FAF1: variants seen among roughly 807,000 people sequenced by gnomAD.
FAF1 encodes FAS-associated factor 1.
FAF1 carries 25 observed loss-of-function variants against 92.5 expected under a neutral mutation model. The observed-to-expected ratio is 0.27, with a 90% CI of 0.20 to 0.38. FAF1 has a LOEUF of 0.38. Ranked by LOEUF, FAF1 falls within the 10% of genes least tolerant of loss-of-function variation. FAF1 has a pLI of 1.00. For missense variants in FAF1, 636 were observed against 793.3 expected, an observed-to-expected ratio of 0.80 and a Z score of 2.38; for synonymous variants, 234 against 273.2, an observed-to-expected ratio of 0.86 and a Z score of 1.42.
At chr1:50,784,487 A>G (rs1480165394) in intron 4 of FAF1, among the ~76,000 whole-genome samples, 1 of 152,202 alleles carries the variant, frequency 6.6e-6, no homozygotes, top group Non-Finnish European at 1.5e-5. Context: ...AAACTTATCC[A>G]GAGACAAAAG....
chr1:50,870,266 G>A (rs1259771519), intron 1 of FAF1, among the ~76,000 whole-genome samples: 1 of 152,168 alleles, frequency 6.6e-6, no homozygotes, highest in Non-Finnish European at 1.5e-5. Context: ...AGACCAGCCT[G>A]GGCAACACAG....
chr1:50,546,327 G>A (rs1649014666), intron 13 of FAF1, among the ~76,000 whole-genome samples: 1 of 152,142 alleles, frequency 6.6e-6, no homozygotes, highest in Admixed American at 6.5e-5. Flanking sequence ...TACCATTTGT[G>A]TAAAACTGGG....
At chr1:50,741,807 T>C (rs771301284) in intron 5 of FAF1, among the ~76,000 whole-genome samples, 1 of 152,160 alleles carries the variant, frequency 6.6e-6, no homozygotes, top group Non-Finnish European at 1.5e-5. Context: ...GGAAGATTGG[T>C]AGAGATATGG....
chr1:50,923,512 A>T (rs951439674), intron 1 of FAF1, among the ~76,000 whole-genome samples: 25 of 152,212 alleles, frequency 1.6e-4, no homozygotes, highest in African/African-American at 5.8e-4. Flanking sequence ...CTTGAAAAAA[A>T]CTAGCACCAA....
intron 1 of FAF1, among the ~76,000 whole-genome samples, chr1:50,916,342 AG>A (rs1644918321): frequency 6.6e-6 from 1 of 152,236 alleles, no homozygotes; most frequent in Non-Finnish European, 1.5e-5. Flanking sequence ...TGGTAAAGAC[AG>A]GAAAGGAATC....
At chr1:50,755,467 G>C (rs1660039867) in intron 4 of FAF1, among the ~76,000 whole-genome samples, 1 of 152,192 alleles carries the variant, frequency 6.6e-6, no homozygotes, top group South Asian at 2.1e-4. Flanking sequence ...ATACCTCCTG[G>C]CTGCTTTCAA....
chr1:50,743,353 G>A (rs1659460753), intron 5 of FAF1, among the ~76,000 whole-genome samples: 1 of 151,804 alleles, frequency 6.6e-6, no homozygotes, highest in East Asian at 1.9e-4. Flanking sequence ...TTTGAGATAG[G>A]GTCTCACTCT....
intron 8 of FAF1, among the ~76,000 whole-genome samples, chr1:50,601,707 A>G (rs1318418779): frequency 2.8e-5 from 4 of 140,508 alleles, no homozygotes; most frequent in Non-Finnish European, 5.9e-5. Context: ...ATATATATAT[A>G]CACACACACA....
chr1:50,791,914 C>A (rs183362838), intron 3 of FAF1, among the ~76,000 whole-genome samples: 1 of 152,182 alleles, frequency 6.6e-6, no homozygotes, highest in Non-Finnish European at 1.5e-5. Flanking sequence ...GGACAAGATT[C>A]AAGAATTGGC....
intron 1 of FAF1, among the ~76,000 whole-genome samples, chr1:50,892,988 C>T (rs1644731615): frequency 6.6e-6 from 1 of 152,172 alleles, no homozygotes; most frequent in African/African-American, 2.4e-5. Context: ...ACTTAAAATG[C>T]ATTCTTGAGT....
intron 7 of FAF1, among the ~76,000 whole-genome samples, chr1:50,663,842 A>G (rs934501060): frequency 6.9e-6 from 1 of 144,660 alleles, no homozygotes; most frequent in Non-Finnish European, 1.6e-5. Context: ...ATTAATAATC[A>G]TTTGTTACAG....
chr1:50,903,055 A>G (rs1482338879), intron 1 of FAF1, among the ~76,000 whole-genome samples: 2 of 151,954 alleles, frequency 1.3e-5, no homozygotes, highest in East Asian at 3.9e-4. Flanking sequence ...TTGTTTACAT[A>G]CCTATCTTCT....
intron 18 of FAF1, among the ~76,000 whole-genome samples, chr1:50,443,834 A>T (rs1646197461): frequency 6.6e-6 from 1 of 152,048 alleles, no homozygotes; most frequent in Non-Finnish European, 1.5e-5. Flanking sequence ...CAGCTCTTTC[A>T]CCAAAACCTC....
intron 10 of FAF1, among the ~76,000 whole-genome samples, chr1:50,584,009 T>C (rs1362770873): frequency 6.6e-6 from 1 of 152,100 alleles, no homozygotes; most frequent in East Asian, 1.9e-4. Context: ...AGTTGTCATT[T>C]AGGATTTCAA....
chr1:50,729,321 C>T (rs1446482687), intron 6 of FAF1, among the ~76,000 whole-genome samples: 1 of 151,878 alleles, frequency 6.6e-6, no homozygotes, highest in Non-Finnish European at 1.5e-5. Context: ...TCCCAAAGCG[C>T]TGGGATTACA....
At chr1:50,941,295 C>T (rs1312335656) in intron 1 of FAF1, among the ~76,000 whole-genome samples, 3 of 152,088 alleles carry the variant, frequency 2.0e-5, no homozygotes, top group East Asian at 1.9e-4. Flanking sequence ...CTGCAACCTC[C>T]GCCTCCTGGG....
At chr1:50,582,799 G>T in intron 11 of FAF1, 100 bp from the exon 12 acceptor site, 1 of 747,972 alleles carries the variant, frequency 1.3e-6, no homozygotes, top group Admixed American at 2.1e-5. Flanking sequence ...TGGGGCTAAT[G>T]TCTAGTGCAT....
intron 8 of FAF1, among the ~76,000 whole-genome samples, chr1:50,647,399 C>A (rs1654644565): frequency 6.6e-6 from 1 of 152,106 alleles, no homozygotes; most frequent in South Asian, 2.1e-4. Context: ...CGTCACTTTC[C>A]TTTTTTTGTC....
rs780922819 is a variant in FAF1, at chr1:50,788,104, A to T, written c.263T>A (p.Met88Lys). Residue 88 changes from methionine to lysine, a missense_variant, in exon 4 of 19, where the codon ATG (methionine) becomes AAG (lysine). Physicochemically the swap from Met to Lys is moderately conservative, Grantham distance 95. Around this residue, in one of 2 missense-constraint regions of FAF1, gnomAD observed 317 missense variants for 342.4 expected, o/e 0.93. Transcript: ENST00000396153. ...CCTTTCTACAATCTGCCTGGATGGC[A>T]TTACAGGTCGAAACGCTGAAGAAGA... ...SSSSSAFRPV[M>K]PSRQIVERQP... is the part of the protein sequence containing the mutation. The T allele has an allele frequency of 8.7e-6, 14 of 1,614,142 alleles. No homozygotes were observed. In the South Asian group the frequency reaches 1.5e-4, roughly 18 times the overall value.
Sources: allele counts gnomAD v4.1 joint callset (sites outside exome capture counted in the v4.1 genomes callset), GRCh38; gene constraint gnomAD v4.1.1; regional missense constraint gnomAD v4.1.1; transcripts MANE v1.5; gene names NCBI Gene and HGNC (gene_info 2026-07-23, HGNC 2026-07-21).